The following FAM228B variants were observed in gnomAD, a reference collection of about 807,000 sequenced individuals.
FAM228B encodes the protein family with sequence similarity 228 member B.
Under a neutral mutation model 42.6 loss-of-function variants are expected in FAM228B, and 38 were observed. That is an observed-to-expected ratio of 0.89 (90% CI 0.69 to 1.17). The LOEUF (loss-of-function observed/expected upper bound fraction) is 1.17. Among genes scored for constraint, FAM228B ranks in the 50% most tolerant of loss-of-function variants. The pLI, the probability that FAM228B is intolerant of heterozygous loss-of-function variation, is 0.00. For missense variants in FAM228B, 344 were observed against 367.3 expected (o/e 0.94, Z 0.52); for synonymous variants, 109 against 122.3 (o/e 0.89, Z 0.72).
intron 9 of FAM228B, chr2:24,166,054 A>AAAAAAAATATATAT (rs56146407): frequency 1.2e-5 from 1 of 81,028 alleles, no homozygotes; most frequent in Admixed American, 1.8e-4. Context: ...AAAAAAAAAA[A>AAAAAAAATATATAT]ATATATATAT....
At chr2:24,161,664 T>C (rs1420951325) in intron 8 of FAM228B, 51 bp downstream of exon 8, 1 of 1,112,798 alleles carries the variant, frequency 9.0e-7, no homozygotes, top group African/African-American at 1.5e-5. Flanking sequence ...GATGCTAGGC[T>C]GTGCTGCCAT....
chr2:24,156,775 C>CT (rs1491101284), intron 7 of FAM228B, among the ~76,000 whole-genome samples: 12 of 1,688 alleles, frequency 7.1e-3, no homozygotes, highest in Non-Finnish European at 0.012. Context: ...TTTCTTTCCG[C>CT]CCCCCCCCCC....
intron 5 of FAM228B, chr2:24,142,467 T>G (rs1442841462): frequency 1.3e-5 from 2 of 152,244 alleles, no homozygotes; most frequent in African/African-American, 2.4e-5. Context: ...TACTAAGTCT[T>G]GCTCCTTCAA....
At chr2:24,098,814 G>A (rs901594601) in intron 3 of FAM228B, among the ~76,000 whole-genome samples, 1 of 152,104 alleles carries the variant, frequency 6.6e-6, no homozygotes, top group African/African-American at 2.4e-5. Context: ...CCAAAGCCTG[G>A]CAGAGACACA....
intron 8 of FAM228B, among the ~76,000 whole-genome samples, 174 bp from the exon 9 acceptor site, chr2:24,164,024 G>C (rs1020678261): frequency 6.6e-6 from 1 of 151,798 alleles, no homozygotes; most frequent in African/African-American, 2.4e-5. Context: ...CTAGAGCAAG[G>C]CAATACTATT....
At chr2:24,134,996 GAAAC>G (rs1181894079) in intron 2 of FAM228B, 119 bp from the exon 3 acceptor site, 5 of 648,176 alleles carry the variant, frequency 7.7e-6, no homozygotes, top group Non-Finnish European at 1.1e-5. Context: ...TGATTTGGAG[GAAAC>G]AAACTGCATG....
At chr2:24,124,210 A>T in intron 1 of FAM228B, 120 bp from the exon 2 acceptor site, 1 of 569,354 alleles carries the variant, frequency 1.8e-6, no homozygotes, top group Non-Finnish European at 3.1e-6. Context: ...CTTGTTAGGG[A>T]AACTGGATGG....
At position 24,083,350 on chromosome 2, in the gene FAM228B, G is replaced by A. The variant is rs1200080036; in HGVS notation, c.-210+2395G>A. On this transcript the variant is annotated intron_variant, in intron 2 of 10. Transcript: ENST00000613899. ...ATAAACTGGAGGTCACATGATCAGT[G>A]GATGTTATAACTGGTAGAGTCCTTA... Among the ~76,000 whole-genome samples, 5 of 152,178 alleles carry A rather than the reference G, an allele frequency of 3.3e-5. No homozygotes were observed. The East Asian group carries it at 5.8e-4, about 18-fold the overall frequency.
chr2:24,109,630 A>G lies in FAM228B; in HGVS notation c.-121+14401A>G, dbSNP rs182746847. Among the ~76,000 whole-genome samples, 19 of 152,378 alleles carry G rather than the reference A, an allele frequency of 1.2e-4. No individual in the cohort carries two copies. The East Asian group carries it at 3.7e-3, about 29-fold the overall frequency. ...CCCCATCAAAAAGTGGGCAAAGAAC[A>G]TGAACAGACACTTTTCAAAAGAAGA... On this transcript the variant is annotated intron_variant, in intron 3 of 10. Transcript: ENST00000613899.
intron 5 of FAM228B, among the ~76,000 whole-genome samples, chr2:24,143,996 C>A (rs1429364928): frequency 6.2e-3 from 799 of 128,828 alleles, no homozygotes; most frequent in Middle Eastern, 0.017. Flanking sequence ...CAGCAGTCTC[C>A]AAAAAAAAAA....
At position 24,079,299 on chromosome 2, in the gene FAM228B, G is replaced by C. The variant is rs189979902; in HGVS notation, c.-289-1577G>C. On this transcript the variant is annotated intron_variant, in intron 1 of 10. Coordinates refer to the FAM228B transcript ENST00000613899. ...ATCTGAATCAGTTCTCTGAAATCGG[G>C]TTCCCTCTTTATCTTCAGAGGGGGA... is the stretch of plus-strand genomic sequence containing the variant. The C allele has an allele frequency of 1.1e-5, 9 of 796,522 alleles. No homozygotes were observed. The Admixed American group carries it at 2.0e-4, about 18-fold the overall frequency. 49.3% of individuals were successfully genotyped at this position (796,522 alleles called of 1,614,324 possible). A position where few individuals can be genotyped will look rare whatever the true frequency, so the allele number is the denominator to read the frequency against.
At chr2:24,088,371 G>A (rs1405400181) in intron 2 of FAM228B, among the ~76,000 whole-genome samples, 1 of 151,784 alleles carries the variant, frequency 6.6e-6, no homozygotes, top group African/African-American at 2.4e-5. Flanking sequence ...CTTTTTTTGA[G>A]GCAGAGTCTG....
intron 2 of FAM228B, chr2:24,085,928 C>CT (rs1430348396): frequency 2.6e-5 from 4 of 152,132 alleles, no homozygotes; most frequent in Non-Finnish European, 5.9e-5. Flanking sequence ...TCAGGAGACC[C>CT]TGCTATGAGA....
intron 2 of FAM228B, among the ~76,000 whole-genome samples, chr2:24,127,109 C>G (rs893264110): frequency 6.6e-6 from 1 of 152,106 alleles, no homozygotes; most frequent in Admixed American, 6.6e-5. Flanking sequence ...CCCCCCATTC[C>G]CCTCCCTCTC....
chr2:24,123,890 C>A (rs561216626), intron 1 of FAM228B, among the ~76,000 whole-genome samples: 28 of 152,278 alleles, frequency 1.8e-4, no homozygotes, highest in African/African-American at 6.7e-4. Context: ...GACTTCGAGC[C>A]GCTCAGAGCT....
At chr2:24,082,146 C>A (rs888418964) in intron 2 of FAM228B, among the ~76,000 whole-genome samples, 12 of 152,168 alleles carry the variant, frequency 7.9e-5, no homozygotes, top group African/African-American at 2.4e-4. Context: ...CAGGCATGCA[C>A]CATCATGCCT....
chr2:24,159,968 G>C (rs1164950662), intron 7 of FAM228B, among the ~76,000 whole-genome samples: 2 of 150,924 alleles, frequency 1.3e-5, no homozygotes, highest in Non-Finnish European at 3.0e-5. Context: ...TGGTGTCTGG[G>C]TATGGGTTTC....
At chr2:24,155,522 TATATATA>T (rs1304424097) in intron 7 of FAM228B, among the ~76,000 whole-genome samples, 1 of 24,560 alleles carries the variant, frequency 4.1e-5, no homozygotes, top group African/African-American at 1.3e-4. Flanking sequence ...TATATATATA[TATATATA>T]TATTTTTTTT....
At chr2:24,104,684 C>T (rs1665670889) in intron 3 of FAM228B, among the ~76,000 whole-genome samples, 1 of 152,198 alleles carries the variant, frequency 6.6e-6, no homozygotes, top group Admixed American at 6.5e-5. Flanking sequence ...CACTGGTAGC[C>T]AGTTGGGTAA....
Sources: gnomAD v4.1 joint callset for allele counts (sites outside exome capture counted in the v4.1 genomes callset) on GRCh38, gnomAD v4.1.1 for gene constraint, MANE v1.5 for transcripts, NCBI Gene and HGNC (gene_info 2026-07-23, HGNC 2026-07-21) for gene names.